ASTN1: variants seen among roughly 807,000 people sequenced by gnomAD.
ASTN1 encodes astrotactin-1.
Under a neutral mutation model 140.7 loss-of-function variants are expected in ASTN1, and 41 were observed. The observed-to-expected ratio is 0.29, with a 90% confidence interval of 0.23 to 0.38. The LOEUF (loss-of-function observed/expected upper bound fraction) is 0.38. Ranked by LOEUF, ASTN1 falls within the 10% of genes least tolerant of loss-of-function variation. ASTN1 has a pLI of 1.00. For synonymous variants in ASTN1, 640 were observed against 652.2 expected, an observed-to-expected ratio of 0.98 and a Z score of 0.29; for missense variants, 1,479 against 1,678.8, an observed-to-expected ratio of 0.88 and a Z score of 2.08.
At chr1:177,031,448 C>A (rs1457867866) in intron 3 of ASTN1, among the ~76,000 whole-genome samples, 1 of 152,154 alleles carries the variant, frequency 6.6e-6, no homozygotes. Context: ...ATAATAACCC[C>A]TGAGTACCAT....
At chr1:177,121,589 TA>T (rs1473758938) in intron 1 of ASTN1, among the ~76,000 whole-genome samples, 1 of 152,092 alleles carries the variant, frequency 6.6e-6, no homozygotes, top group African/African-American at 2.4e-5. Context: ...AAATAAGGTA[TA>T]GAGCATTTTA....
chr1:176,872,289 G>A (rs1315357129), intron 21 of ASTN1, among the ~76,000 whole-genome samples: 1 of 150,936 alleles, frequency 6.6e-6, no homozygotes, highest in African/African-American at 2.4e-5. Flanking sequence ...TGCTTACTAT[G>A]TGCCTGACAG....
At chr1:176,994,104 C>G (rs1003372784) in intron 8 of ASTN1, among the ~76,000 whole-genome samples, 1 of 151,232 alleles carries the variant, frequency 6.6e-6, no homozygotes, top group South Asian at 2.1e-4. Context: ...TTCACCCCAC[C>G]CCCCCCGCCA....
chr1:176,901,301 A>C (rs1459565070), intron 16 of ASTN1, among the ~76,000 whole-genome samples: 1 of 152,210 alleles, frequency 6.6e-6, no homozygotes, highest in East Asian at 1.9e-4. Flanking sequence ...TTCCCTTGGG[A>C]TGTGAGCACT....
At chr1:176,942,648 T>C (rs774198895) in intron 14 of ASTN1, among the ~76,000 whole-genome samples, 1 of 151,204 alleles carries the variant, frequency 6.6e-6, no homozygotes, top group Non-Finnish European at 1.5e-5. Flanking sequence ...ACTGAGATAA[T>C]TGCATATCTG....
At chr1:176,960,464 A>C (rs1315054757) in intron 9 of ASTN1, among the ~76,000 whole-genome samples, 1 of 152,258 alleles carries the variant, frequency 6.6e-6, no homozygotes, top group African/African-American at 2.4e-5. Flanking sequence ...AGCCGTTGGC[A>C]GTTCTGATAC....
intron 1 of ASTN1, among the ~76,000 whole-genome samples, chr1:177,068,561 G>C (rs541401463): frequency 5.4e-4 from 82 of 152,184 alleles, no homozygotes; most frequent in Non-Finnish European, 1.0e-3. Flanking sequence ...GAAGCCTGGA[G>C]AATGGGAGTG....
intron 5 of ASTN1, among the ~76,000 whole-genome samples, chr1:177,028,492 G>T (rs1312393985): frequency 2.0e-5 from 3 of 152,204 alleles, no homozygotes; most frequent in African/African-American, 7.2e-5. Flanking sequence ...AAATCTCTGG[G>T]AAGAACACCT....
chr1:177,098,905 G>A (rs1171286653), intron 1 of ASTN1, among the ~76,000 whole-genome samples: 2 of 152,116 alleles, frequency 1.3e-5, no homozygotes, highest in Non-Finnish European at 2.9e-5. Context: ...TAAGAGGTCA[G>A]GAAGGAACAC....
At chr1:177,164,310 A>G (rs1571871766) in intron 1 of ASTN1, 84 bp downstream of exon 1, 1 of 1,265,620 alleles carries the variant, frequency 7.9e-7, no homozygotes, top group Non-Finnish European at 1.0e-6. Context: ...GTCGTCGGCG[A>G]GTGGGTGTGT....
intron 16 of ASTN1, among the ~76,000 whole-genome samples, chr1:176,930,693 T>C (rs1671170834): frequency 6.6e-6 from 1 of 152,126 alleles, no homozygotes; most frequent in Non-Finnish European, 1.5e-5. Context: ...GAATCTCTAA[T>C]TAAGAAGCTG....
chr1:176,906,123 G>T (rs1334243757), intron 16 of ASTN1, among the ~76,000 whole-genome samples: 2 of 152,216 alleles, frequency 1.3e-5, no homozygotes, highest in Non-Finnish European at 2.9e-5. Flanking sequence ...CTCAAGCTGA[G>T]AGTGACTCTG....
intron 2 of ASTN1, among the ~76,000 whole-genome samples, chr1:177,054,964 T>C (rs188312714): frequency 1.4e-3 from 213 of 152,336 alleles, no homozygotes; most frequent in African/African-American, 4.9e-3. Context: ...TGTGAAAATC[T>C]GCCCTTTGAA....
At chr1:177,119,178 C>T (rs1470506494) in intron 1 of ASTN1, among the ~76,000 whole-genome samples, 24 of 152,154 alleles carry the variant, frequency 1.6e-4, no homozygotes, top group Non-Finnish European at 5.9e-5. Flanking sequence ...GTGTATTCCC[C>T]CACACCTTAT....
chr1:176,880,607 A>G (rs919270778), intron 20 of ASTN1, among the ~76,000 whole-genome samples: 1 of 152,138 alleles, frequency 6.6e-6, no homozygotes, highest in Admixed American at 6.5e-5. Context: ...TCCTTCTCAG[A>G]ATAATGTTTT....
intron 2 of ASTN1, among the ~76,000 whole-genome samples, chr1:177,058,968 G>A (rs1677944262): frequency 6.6e-6 from 1 of 152,080 alleles, no homozygotes; most frequent in Non-Finnish European, 1.5e-5. Flanking sequence ...TTATCTTTCT[G>A]CAGATTCTCG....
intron 16 of ASTN1, among the ~76,000 whole-genome samples, chr1:176,895,094 G>C (rs1318867177): frequency 1.3e-5 from 2 of 152,142 alleles, no homozygotes; most frequent in African/African-American, 4.8e-5. Context: ...TAGAGGGATC[G>C]GGCTCCATGC....
At chr1:177,046,833 C>A (rs1223661238) in intron 2 of ASTN1, among the ~76,000 whole-genome samples, 1 of 152,002 alleles carries the variant, frequency 6.6e-6, no homozygotes, top group Non-Finnish European at 1.5e-5. Flanking sequence ...AGAGACGAGG[C>A]CTGAAGAGAA....
intron 16 of ASTN1, among the ~76,000 whole-genome samples, chr1:176,920,017 T>C (rs529673755): frequency 5.4e-4 from 83 of 152,326 alleles, no homozygotes; most frequent in Non-Finnish European, 9.3e-4. Flanking sequence ...CTACTTTTCT[T>C]TTTCTTTCTT....
Sources: gnomAD v4.1 joint callset for allele counts (sites outside exome capture counted in the v4.1 genomes callset) on GRCh38, gnomAD v4.1.1 for gene constraint, MANE v1.5 for transcripts, NCBI Gene and HGNC (gene_info 2026-07-23, HGNC 2026-07-21) for gene names.